The following OXCT1 variants were observed in gnomAD, a reference collection of about 807,000 sequenced individuals.
OXCT1 encodes the protein succinyl-CoA:3-ketoacid coenzyme A transferase 1, mitochondrial.
Under a neutral mutation model 69.6 loss-of-function variants are expected in OXCT1, and 27 were observed. The ratio of observed to expected loss-of-function variants is 0.39; its 90% CI spans 0.29 to 0.54. OXCT1 has a LOEUF of 0.54. Ranked by LOEUF, OXCT1 falls within the 20% of genes least tolerant of loss-of-function variation. OXCT1 has a pLI of 0.72. For missense variants in OXCT1, 437 were observed against 650.2 expected (o/e 0.67, Z 3.57); for synonymous variants, 202 against 217.8 (o/e 0.93, Z 0.64).
At chr5:41,849,356 G>A (rs1237211073) in intron 5 of OXCT1, among the ~76,000 whole-genome samples, 1 of 152,168 alleles carries the variant, frequency 6.6e-6, no homozygotes, top group Non-Finnish European at 1.5e-5. Context: ...AAAATGGAAA[G>A]ATACTAAAAA....
At chr5:41,759,103 A>C (rs1306030793) in intron 14 of OXCT1, among the ~76,000 whole-genome samples, 2 of 151,162 alleles carry the variant, frequency 1.3e-5, no homozygotes, top group Non-Finnish European at 2.9e-5. Context: ...AAAAAAAAAA[A>C]AAAACCTGAA....
At chr5:41,773,555 C>A (rs1440299048) in intron 13 of OXCT1, among the ~76,000 whole-genome samples, 1 of 151,992 alleles carries the variant, frequency 6.6e-6, no homozygotes, top group African/African-American at 2.4e-5. Flanking sequence ...CATGACTGCA[C>A]CAACCAACGC....
intron 7 of OXCT1, among the ~76,000 whole-genome samples, chr5:41,823,812 TG>T (rs1446685639): frequency 2.6e-5 from 4 of 152,142 alleles, no homozygotes; most frequent in Non-Finnish European, 5.9e-5. Flanking sequence ...CATTTTCAAT[TG>T]GGGGGAAAAA....
intron 11 of OXCT1, among the ~76,000 whole-genome samples, chr5:41,796,084 C>G (rs894801652): frequency 6.6e-6 from 1 of 152,054 alleles, no homozygotes; most frequent in Admixed American, 6.6e-5. Flanking sequence ...TAATACTGGC[C>G]AATGTATCTA....
chr5:41,861,768 G>C (rs1411647096), intron 2 of OXCT1, among the ~76,000 whole-genome samples: 1 of 152,146 alleles, frequency 6.6e-6, no homozygotes, highest in African/African-American at 2.4e-5. Context: ...AGTAGATTTT[G>C]CATAGTTGGA....
intron 15 of OXCT1, among the ~76,000 whole-genome samples, chr5:41,749,054 G>C (rs1743641023): frequency 6.6e-6 from 1 of 152,018 alleles, no homozygotes; most frequent in African/African-American, 2.4e-5. Flanking sequence ...CTATAAAAGA[G>C]AGCAGAAAGC....
At chr5:41,772,174 T>G (rs1456914189) in intron 13 of OXCT1, among the ~76,000 whole-genome samples, 2 of 152,118 alleles carry the variant, frequency 1.3e-5, no homozygotes, top group African/African-American at 2.4e-5. Context: ...CTCAGAAAGT[T>G]TATTTTCTGA....
chr5:41,736,484 T>C (rs758662714), intron 16 of OXCT1, among the ~76,000 whole-genome samples: 2 of 152,240 alleles, frequency 1.3e-5, no homozygotes, highest in African/African-American at 4.8e-5. Flanking sequence ...AACACTATGA[T>C]ATATATGAAA....
chr5:41,807,542 C>G (rs2112279905), intron 7 of OXCT1, 104 bp from the exon 8 acceptor site: 1 of 712,004 alleles, frequency 1.4e-6, no homozygotes, highest in South Asian at 1.5e-5. Flanking sequence ...AGGCTGCAAA[C>G]ATATGACGGA....
intron 11 of OXCT1, among the ~76,000 whole-genome samples, chr5:41,797,089 G>A (rs1041574851): frequency 3.3e-5 from 5 of 152,186 alleles, no homozygotes; most frequent in Non-Finnish European, 7.3e-5. Context: ...TCAAGGAGGA[G>A]GAATTTGTAG....
intron 16 of OXCT1, among the ~76,000 whole-genome samples, chr5:41,737,012 C>T (rs557679857): frequency 5.3e-5 from 8 of 152,262 alleles, no homozygotes; most frequent in Admixed American, 1.3e-4. Flanking sequence ...TATTGATAAT[C>T]CAGGTATTAA....
chr5:41,734,552 A>C (rs1356254461), intron 16 of OXCT1, among the ~76,000 whole-genome samples: 1 of 152,224 alleles, frequency 6.6e-6, no homozygotes, highest in African/African-American at 2.4e-5. Flanking sequence ...AGTATAGCCA[A>C]AAAATAAAGA....
In OXCT1 at chr5:41,736,321, A is replaced by G. The variant is rs149833735; in HGVS notation, c.1521+3069T>C. Among the ~76,000 whole-genome samples, 1,473 of 152,362 alleles carry G rather than the reference A, an allele frequency of 9.7e-3. 20 individuals are homozygous for G. The highest frequency in any genetic ancestry group is 0.016 in the South Asian group (75 of 4,830). ...AGCCTCTACCAAGTTCCAGACATAT[A>G]TGACCTTCAAGATACTGCCCTCCGA... On this transcript the variant is annotated intron_variant, in intron 16 of 16. Coordinates refer to ENST00000196371, the MANE Select transcript of OXCT1 (RefSeq NM_000436.4).
At chr5:41,813,000 C>A (rs1747061253) in intron 7 of OXCT1, among the ~76,000 whole-genome samples, 1 of 151,902 alleles carries the variant, frequency 6.6e-6, no homozygotes, top group Non-Finnish European at 1.5e-5. Flanking sequence ...GTCTAGATGG[C>A]CATAAAGAGA....
chr5:41,740,268 G>A (rs569665303), intron 15 of OXCT1, among the ~76,000 whole-genome samples: 23 of 152,304 alleles, frequency 1.5e-4, no homozygotes, highest in Non-Finnish European at 3.2e-4. Context: ...AGAAGAAGGT[G>A]CTCTGAAGTG....
intron 4 of OXCT1, among the ~76,000 whole-genome samples, chr5:41,851,242 AAACT>A (rs1749159838): frequency 6.6e-6 from 1 of 152,224 alleles, no homozygotes; most frequent in Non-Finnish European, 1.5e-5. Flanking sequence ...CTCAAAAAAG[AAACT>A]AACAGTTGGG....
chr5:41,823,765 A>G (rs114632345), intron 7 of OXCT1, among the ~76,000 whole-genome samples: 1,705 of 152,318 alleles, frequency 0.011, 29 homozygotes, highest in Middle Eastern at 0.034. Context: ...TAAAGTTTCT[A>G]TCTTGAATTC....
intron 13 of OXCT1, among the ~76,000 whole-genome samples, chr5:41,784,912 A>G (rs993433837): frequency 1.3e-5 from 2 of 152,216 alleles, no homozygotes; most frequent in South Asian, 4.1e-4. Flanking sequence ...GAATATGTCA[A>G]ATATGTCAGT....
Position 41,731,743 on chromosome 5 carries a change from G to GA in OXCT1, c.1548_1549insT (p.Gln517SerfsTer19). The GA allele has an allele frequency of 6.2e-7, 1 of 1,609,776 alleles. No homozygotes were observed. The highest frequency in any genetic ancestry group is 8.5e-7 in the Non-Finnish European group (1 of 1,177,918). ...ATATCCATATTTCAATTTGCGATCTGCTGCATTGGCATGAGTTTTGGTGAA... is the reference window on the plus strand; with the variant it reads ...ATATCCATATTTCAATTTGCGATCTGACTGCATTGGCATGAGTTTTGGTGAA... On this transcript the variant is annotated frameshift_variant, in exon 17 of 17. Transcript: ENST00000196371. LOFTEE classifies it high-confidence loss of function.
Sources: allele counts gnomAD v4.1 joint callset (sites outside exome capture counted in the v4.1 genomes callset), GRCh38; gene constraint gnomAD v4.1.1; transcripts MANE v1.5; gene names NCBI Gene and HGNC (gene_info 2026-07-23, HGNC 2026-07-21).